The following PDZD8 variants were observed in gnomAD, a reference collection of about 807,000 sequenced individuals.
The protein encoded by PDZD8 is PDZ domain-containing protein 8.
Under a neutral mutation model 85.8 loss-of-function variants are expected in PDZD8, and 14 were observed. The observed-to-expected ratio is 0.16, with a 90% CI of 0.11 to 0.26. PDZD8 has a LOEUF of 0.26. Among genes scored for constraint, PDZD8 ranks in the 10% least tolerant of loss-of-function variants. The pLI is 1.00. For synonymous variants in PDZD8, 592 were observed against 568.6 expected, an observed-to-expected ratio of 1.04 and a Z score of -0.59; for missense variants, 1,197 against 1,424.3, an observed-to-expected ratio of 0.84 and a Z score of 2.57.
chr10:117,325,550 G>A (rs548673285), intron 2 of PDZD8, among the ~76,000 whole-genome samples: 9 of 151,644 alleles, frequency 5.9e-5, no homozygotes, highest in Non-Finnish European at 7.4e-5. Flanking sequence ...TTACAGGCGC[G>A]TGCCACCATG....
chr10:117,369,793 G>A (rs1019714617), intron 1 of PDZD8, among the ~76,000 whole-genome samples: 2 of 152,176 alleles, frequency 1.3e-5, no homozygotes, highest in African/African-American at 2.4e-5. Context: ...CAGCACTGGC[G>A]CTACAAGATA....
At chr10:117,310,451 GA>G (rs1038533819) in intron 3 of PDZD8, among the ~76,000 whole-genome samples, 51 of 152,070 alleles carry the variant, frequency 3.4e-4, no homozygotes, top group African/African-American at 1.2e-3. Context: ...ATTTGATCTG[GA>G]GAGTTTATGT....
intron 1 of PDZD8, among the ~76,000 whole-genome samples, chr10:117,368,284 G>A (rs1009809194): frequency 1.4e-4 from 21 of 152,154 alleles, no homozygotes; most frequent in African/African-American, 5.1e-4. Flanking sequence ...ATAGAGATAT[G>A]AGCAACAGTA....
At chr10:117,299,595 T>C (rs1460937895) in intron 3 of PDZD8, among the ~76,000 whole-genome samples, 1 of 152,190 alleles carries the variant, frequency 6.6e-6, no homozygotes, top group Non-Finnish European at 1.5e-5. Flanking sequence ...CTTCTACTTA[T>C]TGTAGTCTGT....
Position 117,374,958 on chromosome 10 carries a change from C to T in PDZD8, c.270G>A (p.Pro90=), listed in dbSNP as rs781046970. ...PTAAPETPAP[P]TRETCYFLNA... ...TGAGGAAGTAGCAAGTCTCCCGCGT[C>T]GGCGGGGCGGGGGTCTCGGGGGCCG... Residue 90 remains proline, a synonymous_variant, in exon 1 of 5, where the codon CCG becomes CCA. Coordinates refer to ENST00000334464, the MANE Select transcript of PDZD8 (RefSeq NM_173791.5). This position sits in a 1 kb window ranked among gnomAD's most constrained non-coding sequence, Gnocchi z 7.8. The T allele has an allele frequency of 5.6e-6, 9 of 1,609,052 alleles. No individual in the cohort carries two copies. Among genetic ancestry groups the T allele is most frequent in the Non-Finnish European group, 7.6e-6 (9 of 1,178,286 alleles).
rs1844540023 is a variant in PDZD8 at position 117,279,002 on chromosome 10, A to G, written c.*4266T>C. The G allele has an allele frequency of 6.6e-6, 1 of 152,210 alleles. No individual in the cohort carries two copies. The highest frequency in any genetic ancestry group is 2.4e-5 in the African/African-American group (1 of 41,460). 9.4% of individuals were successfully genotyped at this position (152,210 alleles called of 1,614,324 possible). A position where few individuals can be genotyped will look rare whatever the true frequency, so the allele number is the denominator to read the frequency against. Reference sequence around the variant, plus strand: ...GGGTTTCTGGTTCTCCCTGCCCCCAATACCATATACTTTATTGCAATTTTA... The same window carrying G: ...GGGTTTCTGGTTCTCCCTGCCCCCAGTACCATATACTTTATTGCAATTTTA... On this transcript the variant is annotated 3_prime_UTR_variant, in exon 5 of 5. Transcript: ENST00000334464.
rs557497646 is a variant in PDZD8, at chr10:117,305,390, G to A, written c.1098+13482C>T. On this transcript the variant is annotated intron_variant, in intron 3 of 4. Transcript: ENST00000334464. ...ATTGCACCACTGCACTCCAGCCTGG[G>A]CAACAGAGCAAGACTCTGTCTCAAA... Among the ~76,000 whole-genome samples the A allele has an allele frequency of 4.0e-5, 6 of 151,836 alleles. No individual in the cohort carries two copies. In the South Asian group the frequency reaches 8.3e-4, roughly 21 times the overall value.
At chr10:117,371,276 C>G (rs1170814015) in intron 1 of PDZD8, among the ~76,000 whole-genome samples, 1 of 152,114 alleles carries the variant, frequency 6.6e-6, no homozygotes, top group Non-Finnish European at 1.5e-5. Flanking sequence ...CCTCTGCCTC[C>G]CAGGTACAAG....
chr10:117,371,723 G>A (rs1487982560), intron 1 of PDZD8, among the ~76,000 whole-genome samples: 1 of 152,116 alleles, frequency 6.6e-6, no homozygotes, highest in Non-Finnish European at 1.5e-5. Flanking sequence ...TCACTTGAAT[G>A]AACCCAGGAG....
chr10:117,326,664 AACTGTTTGT>A, intron 2 of PDZD8, among the ~76,000 whole-genome samples: 1 of 152,348 alleles, frequency 6.6e-6, no homozygotes, highest in East Asian at 1.9e-4. Context: ...TCTCTAATAC[AACTGTTTGT>A]TCAAATTGAA....
intron 1 of PDZD8, among the ~76,000 whole-genome samples, chr10:117,371,955 G>A (rs1478814464): frequency 6.6e-6 from 1 of 151,812 alleles, no homozygotes; most frequent in Non-Finnish European, 1.5e-5. Context: ...ACAAACAAAC[G>A]AAAAACACAA....
chr10:117,357,585 G>A (rs2133873005), intron 1 of PDZD8, among the ~76,000 whole-genome samples: 1 of 151,588 alleles, frequency 6.6e-6, no homozygotes, highest in Admixed American at 6.6e-5. Flanking sequence ...GGCCAACATG[G>A]TGAAACCCTG....
intron 3 of PDZD8, among the ~76,000 whole-genome samples, chr10:117,303,789 A>G (rs919509423): frequency 2.0e-5 from 3 of 152,224 alleles, no homozygotes; most frequent in African/African-American, 7.2e-5. Flanking sequence ...AGAGGGTGGA[A>G]GCCCCCAAGC....
intron 1 of PDZD8, among the ~76,000 whole-genome samples, chr10:117,357,333 T>C (rs1278315478): frequency 6.6e-6 from 1 of 152,094 alleles, no homozygotes; most frequent in African/African-American, 2.4e-5. Flanking sequence ...AGGTGGAGGT[T>C]GCAGTGAGCC....
At position 117,318,865 on chromosome 10, in the gene PDZD8, A is replaced by G. The variant is rs1244833386; in HGVS notation, c.1098+7T>C. 1.9e-6 allele frequency: 3 copies of G among 1,557,200 alleles called. No individual in the cohort carries two copies. Among genetic ancestry groups the G allele is most frequent in the African/African-American group, 1.4e-5 (1 of 73,532 alleles). On this transcript the variant is annotated splice_region_variant and intron_variant, in intron 3 of 4. Transcript: ENST00000334464. ...TATAGATATAAATCACTGTAAATCCATTTTACCGTCTTAATAGAACTCCTC... is the reference window on the plus strand; with the variant it reads ...TATAGATATAAATCACTGTAAATCCGTTTTACCGTCTTAATAGAACTCCTC...
chr10:117,289,232 T>G (rs1342139823), intron 4 of PDZD8, among the ~76,000 whole-genome samples: 1 of 152,234 alleles, frequency 6.6e-6, no homozygotes, highest in East Asian at 1.9e-4. Flanking sequence ...AAATATTGAC[T>G]TAATTGGGCT....
rs1589600812 is a variant in PDZD8, at chr10:117,372,246, T to C, written c.872+2110A>G. On this transcript the variant is annotated intron_variant, in intron 1 of 4. Transcript: ENST00000334464. Reference sequence around the variant, plus strand: ...AAATATCATAACCAAATTCATGCTGTTTTTAAAAAAATCCCTTCAAAGTGA... The same window carrying C: ...AAATATCATAACCAAATTCATGCTGCTTTTAAAAAAATCCCTTCAAAGTGA... Among the ~76,000 whole-genome samples the C allele has an allele frequency of 2.0e-5, 3 of 152,360 alleles. No homozygotes were observed. The South Asian group carries it at 6.2e-4, about 32-fold the overall frequency.
rs139737401 is a variant in PDZD8, at chr10:117,284,707, G to A, written c.2026C>T (p.Arg676Cys). The A allele has an allele frequency of 8.1e-6, 13 of 1,614,202 alleles. No homozygotes were observed. The African/African-American group carries it at 1.1e-4, about 13-fold the overall frequency. Residue 676 changes from arginine (R) to cysteine (C), a missense_variant, in exon 5 of 5, where the codon CGT (arginine) becomes TGT (cysteine). Physicochemically the swap from Arg to Cys is radical, Grantham distance 180. Around this residue, in one of 4 missense-constraint regions of PDZD8, gnomAD observed 418 missense variants for 571.1 expected, o/e 0.73. Coordinates refer to ENST00000334464, the MANE Select transcript of PDZD8 (RefSeq NM_173791.5). The part of the protein sequence containing the change: ...SCPTKDSSDD[R>C]QTWESSEILY... Reference sequence around the variant, plus strand: ...ATTTCTGATGATTCCCATGTTTGACGGTCGTCCGAACTGTCCTTAGTAGGG... The same window carrying A: ...ATTTCTGATGATTCCCATGTTTGACAGTCGTCCGAACTGTCCTTAGTAGGG...
Position 117,374,907 on chromosome 10 carries a change from C to A in PDZD8, c.321G>T (p.Arg107=), listed in dbSNP as rs772640782. Reference sequence around the variant, plus strand: ...GGGTCAGCGCGGTGTCCCGCAACTCCCGGAACAGGAATAGGATGGTGGCGT... The same window carrying A: ...GGGTCAGCGCGGTGTCCCGCAACTCACGGAACAGGAATAGGATGGTGGCGT... The part of the protein sequence containing the change: ...FLNATILFLF[R]ELRDTALTRR... Residue 107 remains arginine, a synonymous_variant, in exon 1 of 5, where the codon CGG becomes CGT. Transcript: ENST00000334464. The surrounding 1 kb of genome is among the most constrained non-coding windows in gnomAD (Gnocchi z 7.8). 1 of 1,613,484 alleles carries A rather than the reference C, an allele frequency of 6.2e-7. No homozygotes were observed. Among genetic ancestry groups the A allele is most frequent in the Non-Finnish European group, 8.5e-7 (1 of 1,179,852 alleles).
Sources: gnomAD v4.1 joint callset for allele counts (sites outside exome capture counted in the v4.1 genomes callset) on GRCh38, gnomAD v4.1.1 for gene constraint, gnomAD v4.1.1 regional missense constraint, Gnocchi (gnomAD v3.1) non-coding constraint, MANE v1.5 for transcripts, NCBI Gene and HGNC (gene_info 2026-07-23, HGNC 2026-07-21) for gene names.